The following TAOK2 variants were observed in gnomAD, a reference collection of about 807,000 sequenced individuals.
The protein encoded by TAOK2 is serine/threonine-protein kinase TAO2.
In TAOK2, 42 loss-of-function variants were observed where a neutral mutation model predicts 122.5. That is an observed-to-expected ratio of 0.34 (90% CI 0.27 to 0.44). TAOK2 has a LOEUF of 0.44. Among genes scored for constraint, TAOK2 ranks in the 20% least tolerant of loss-of-function variants. The pLI, the probability that TAOK2 is intolerant of heterozygous loss-of-function variation, is 1.00. For missense variants in TAOK2, 1,264 were observed against 1,644.9 expected, an observed-to-expected ratio of 0.77 and a Z score of 4.01; for synonymous variants, 704 against 677.6, an observed-to-expected ratio of 1.04 and a Z score of -0.61.
At position 29,988,223 on chromosome 16, in the gene TAOK2, C is replaced by G. The variant is rs1351493103; in HGVS notation, c.*243C>G. ...TATTGCTGTTCGCCCGCTGTGTGTG[C>G]TCATCCTCACCCTCATTGACTCAGG... On this transcript the variant is annotated 3_prime_UTR_variant, in exon 16 of 16. Coordinates refer to ENST00000308893, the MANE Select transcript of TAOK2 (RefSeq NM_016151.4). 1.4e-6 allele frequency: 2 copies of G among 1,437,566 alleles called. No homozygotes were observed. Among genetic ancestry groups the G allele is most frequent in the African/African-American group, 2.9e-5 (2 of 69,738 alleles). 89.1% of individuals were successfully genotyped at this position (1,437,566 alleles called of 1,614,324 possible). A position where few individuals can be genotyped will look rare whatever the true frequency, so the allele number is the denominator to read the frequency against.
chr16:29,981,264 C>T, intron 8 of TAOK2: 2 of 479,408 alleles, frequency 4.2e-6, no homozygotes, highest in Non-Finnish European at 7.3e-6. Flanking sequence ...TTTTTTCAGT[C>T]CTATTTAATC....
Position 29,985,525 on chromosome 16 carries a change from C to T in TAOK2, c.1735C>T (p.Leu579=), listed in dbSNP as rs141623258. 8.7e-6 allele frequency: 14 copies of T among 1,608,948 alleles called. No individual in the cohort carries two copies. In the African/African-American group the frequency reaches 1.3e-4, roughly 15 times the overall value. ...LGQQKKELAA[L]LEAQKRTYKL... ...GCAGCAGAAGAAGGAGCTGGCTGCC[C>T]TGCTGGAGGCACAGAAGCGGACCTA... The change falls in exon 14 of 16, where the codon CTG becomes TTG. Residue 579 remains leucine, a synonymous_variant. Coordinates refer to ENST00000308893, the MANE Select transcript of TAOK2 (RefSeq NM_016151.4). This position sits in a 1 kb window ranked among gnomAD's most constrained non-coding sequence, Gnocchi z 6.9.
rs767326939 is a variant in TAOK2 at position 29,987,813 on chromosome 16, G to A, written c.3541G>A (p.Ala1181Thr). 1.2e-6 allele frequency: 2 copies of A among 1,613,406 alleles called. No individual in the cohort carries two copies. Among genetic ancestry groups the A allele is most frequent in the South Asian group, 2.2e-5 (2 of 91,070 alleles). The change falls in exon 16 of 16, where the codon GCC becomes ACC. Residue 1181 changes from alanine to threonine, a missense_variant. Coordinates refer to ENST00000308893, the MANE Select transcript of TAOK2 (RefSeq NM_016151.4). ...GCCCCCGTGGGCCATCCACACACTG[G>A]CCAGCTGGGGCCTGCTTCGGGGTGA... ...HLPPWAIHTL[A>T]SWGLLRGERP...
chr16:29,979,576 C>T lies in TAOK2; in HGVS notation c.655+68C>T, dbSNP rs557981081. The stretch of plus-strand genomic sequence containing the variant: ...TTCCTGTTAGTTCCCAGACTCCGGA[C>T]TACCCCCTTCTCCTAGGGATGGGAT... On this transcript the variant is annotated intron_variant, in intron 8 of 15. Coordinates refer to ENST00000308893, the MANE Select transcript of TAOK2 (RefSeq NM_016151.4). This position sits in a 1 kb window ranked among gnomAD's most constrained non-coding sequence, Gnocchi z 4.1. The T allele has an allele frequency of 7.9e-7, 1 of 1,258,892 alleles. No homozygotes were observed. Among genetic ancestry groups the T allele is most frequent in the Non-Finnish European group, 1.1e-6 (1 of 929,702 alleles). The allele number at this position is 1,258,892 out of a possible 1,614,324, so 78.0% of individuals were successfully genotyped here. A position where few individuals can be genotyped will look rare whatever the true frequency, so the allele number is the denominator to read the frequency against.
rs754246307 is a variant in TAOK2 at position 29,985,280 on chromosome 16, G to A, written c.1490G>A (p.Arg497Gln). The A allele has an allele frequency of 1.9e-6, 3 of 1,593,424 alleles. No individual in the cohort carries two copies. The highest frequency in any genetic ancestry group is 1.7e-5 in the Admixed American group (1 of 57,816). ...CGGGAGCAGCTGAGCGGCTATAAGC[G>A]GATGCGACGACAGCACCAGAAGCAG... is the stretch of plus-strand genomic sequence containing the variant. ...ALREQLSGYK[R>Q]MRRQHQKQLL... is the part of the protein sequence containing the mutation. Residue 497 changes from arginine to glutamine, a missense_variant, in exon 14 of 16, where the codon CGG becomes CAG. Around this residue, in one of 4 missense-constraint regions of TAOK2, gnomAD observed 64 missense variants for 115.7 expected, o/e 0.55. Transcript: ENST00000308893. The surrounding 1 kb of genome is among the most constrained non-coding windows in gnomAD (Gnocchi z 6.9).
downstream of TAOK2, chr16:29,989,529 T>G (rs1047451305): frequency 1.9e-6 from 3 of 1,602,394 alleles, no homozygotes; most frequent in Middle Eastern, 1.7e-4. Flanking sequence ...CCTCTTCCTC[T>G]TCCTCCTCTT....
In TAOK2 at chr16:29,977,749, C is replaced by A. The variant is rs1164058625; in HGVS notation, c.-24C>A. The A allele has an allele frequency of 6.2e-7, 1 of 1,613,476 alleles. No individual in the cohort carries two copies. Among genetic ancestry groups the A allele is most frequent in the Non-Finnish European group, 8.5e-7 (1 of 1,179,760 alleles). ...TTTCCATTCCTCAGGCCAGGCCCCA[C>A]TCTCAGGGCCCCCAGGGGCCACCAT... is the stretch of plus-strand genomic sequence containing the variant. On this transcript the variant is annotated 5_prime_UTR_variant, in exon 2 of 16. Coordinates refer to ENST00000308893, the MANE Select transcript of TAOK2 (RefSeq NM_016151.4).
In TAOK2 at chr16:29,979,381, G is replaced by T. The variant is rs745635056; in HGVS notation, c.564-36G>T. 4.4e-6 allele frequency: 7 copies of T among 1,605,636 alleles called. No individual in the cohort carries two copies. Among genetic ancestry groups the T allele is most frequent in the Non-Finnish European group, 6.0e-6 (7 of 1,174,134 alleles). On this transcript the variant is annotated intron_variant, in intron 7 of 15. Coordinates refer to ENST00000308893, the MANE Select transcript of TAOK2 (RefSeq NM_016151.4). The surrounding 1 kb of genome is among the most constrained non-coding windows in gnomAD (Gnocchi z 4.1). Reference sequence around the variant, plus strand: ...GGAGTAGGAGTGACAGGGTCTCGGCGGGTGATTTGCCTCTCTCTCCTGACC... The same window carrying T: ...GGAGTAGGAGTGACAGGGTCTCGGCTGGTGATTTGCCTCTCTCTCCTGACC...
intron 1 of TAOK2, among the ~76,000 whole-genome samples, chr16:29,977,309 G>C (rs1214328657): frequency 6.6e-6 from 1 of 152,184 alleles, no homozygotes; most frequent in South Asian, 2.1e-4. Context: ...AGGGAGGAGG[G>C]GGCCTCAGCG....
intron 8 of TAOK2, among the ~76,000 whole-genome samples, chr16:29,980,060 G>GT (rs916709700): frequency 6.6e-6 from 1 of 152,200 alleles, no homozygotes; most frequent in African/African-American, 2.4e-5. Context: ...AGGCCTAGAG[G>GT]TAAGTGCAGG....
rs750905955 is a variant in TAOK2 at position 29,985,397 on chromosome 16, G to C, written c.1607G>C (p.Gly536Ala). ...CTTGAGGCGCAGCGGGCTGGCTTTGGGGCAGAGGCAGAAAAGCTGGCCCGG... is the reference window on the plus strand; with the variant it reads ...CTTGAGGCGCAGCGGGCTGGCTTTGCGGCAGAGGCAGAAAAGCTGGCCCGG... Reference protein sequence around the residue: ...RELEAQRAGFGAEAEKLARRH... With the variant: ...RELEAQRAGFAAEAEKLARRH... The change falls in exon 14 of 16, where the codon GGG becomes GCG. Residue 536 changes from glycine to alanine, a missense_variant. Gly to Ala is a moderately conservative substitution (Grantham distance 60). Around this residue, in one of 4 missense-constraint regions of TAOK2, gnomAD observed 64 missense variants for 115.7 expected, o/e 0.55. Transcript: ENST00000308893. The surrounding 1 kb of genome is among the most constrained non-coding windows in gnomAD (Gnocchi z 6.9). 6.2e-6 allele frequency: 10 copies of C among 1,609,356 alleles called. No homozygotes were observed. In the East Asian group the frequency reaches 2.2e-4, roughly 36 times the overall value.
In TAOK2 at chr16:29,979,604, C is replaced by A; in HGVS notation, c.655+96C>A. 1 of 1,034,504 alleles carries A rather than the reference C, an allele frequency of 9.7e-7. No individual in the cohort carries two copies. The allele number at this position is 1,034,504 out of a possible 1,614,324, so 64.1% of individuals were successfully genotyped here. ...CCCCCTTCTCCTAGGGATGGGATCC[C>A]AGGCCTCCAAGTTCCTGTCCGTTGT... On this transcript the variant is annotated intron_variant, in intron 8 of 15. Coordinates refer to ENST00000308893, the MANE Select transcript of TAOK2 (RefSeq NM_016151.4). This position sits in a 1 kb window ranked among gnomAD's most constrained non-coding sequence, Gnocchi z 4.1.
rs1390324284 is a variant in TAOK2, at chr16:29,978,988, C to T, written c.367C>T (p.Leu123Phe). Residue 123 changes from leucine (L) to phenylalanine (F), a missense_variant, in exon 6 of 16, where the codon CTT becomes TTT. By Grantham distance (22) the Leu-to-Phe change is conservative. This residue lies in a region of TAOK2 where 254 missense variants were observed against 503.8 expected (regional missense o/e 0.50). Transcript: ENST00000308893. ...TCACTCTCCAGTGCACAAGAAACCC[C>T]TTCAGGAGGTAGAGATCGCAGCTGT... is the stretch of plus-strand genomic sequence containing the variant. The part of the protein sequence containing the change: ...SDLLEVHKKP[L>F]QEVEIAAVTH... 1 of 1,614,146 alleles carries T rather than the reference C, an allele frequency of 6.2e-7. No individual in the cohort carries two copies.
intron 1 of TAOK2, among the ~76,000 whole-genome samples, chr16:29,975,639 C>T (rs1360768790): frequency 6.6e-6 from 1 of 152,208 alleles, no homozygotes; most frequent in African/African-American, 2.4e-5. Context: ...TTACCCCAAT[C>T]CCAGGGTTTG....
rs1233758059 is a variant in TAOK2, at chr16:29,979,993, A to G, written c.655+485A>G. Among the ~76,000 whole-genome samples, 2 of 152,204 alleles carry G rather than the reference A, an allele frequency of 1.3e-5. No individual in the cohort carries two copies. The highest frequency in any genetic ancestry group is 1.3e-4 in the Admixed American group (2 of 15,286). On this transcript the variant is annotated intron_variant, in intron 8 of 15. Transcript: ENST00000308893. The surrounding 1 kb of genome is among the most constrained non-coding windows in gnomAD (Gnocchi z 4.1). ...TTGAAGCCAACCTGCAAGATAAATA[A>G]TAGCTGTTTGCAGAATGTAGGGAAG...
Position 29,987,780 on chromosome 16 carries a change from TC to T in TAOK2, c.3511del (p.His1171ThrfsTer35). The T allele has an allele frequency of 6.2e-7, 1 of 1,613,936 alleles. No individual in the cohort carries two copies. The highest frequency in any genetic ancestry group is 8.5e-7 in the Non-Finnish European group (1 of 1,179,908). On this transcript the variant is annotated frameshift_variant, in exon 16 of 16. Coordinates refer to ENST00000308893, the MANE Select transcript of TAOK2 (RefSeq NM_016151.4). LOFTEE classifies it high-confidence loss of function. ...RLARASQGLA[S>X]HLPPWAIHTL... Reference sequence around the variant, plus strand: ...GGCACGGGCCAGCCAGGGTTTAGCATCCCACTTGCCCCCGTGGGCCATCCAC... The same window carrying T: ...GGCACGGGCCAGCCAGGGTTTAGCATCCACTTGCCCCCGTGGGCCATCCAC...
At position 29,974,312 on chromosome 16, in the gene TAOK2, G is replaced by A. The variant is rs2069387530; in HGVS notation, c.-372G>A. Reference sequence around the variant, plus strand: ...TCAAATATCAGGTTCAGGCCCCTGCGTGCACCAGTATCCGGGGTTCATTCC... The same window carrying A: ...TCAAATATCAGGTTCAGGCCCCTGCATGCACCAGTATCCGGGGTTCATTCC... On this transcript the variant is annotated 5_prime_UTR_variant, in exon 1 of 16. In the 5' UTR this introduces an upstream ATG that the reference lacks. Coordinates refer to ENST00000308893, the MANE Select transcript of TAOK2 (RefSeq NM_016151.4). The A allele has an allele frequency of 6.5e-6, 1 of 152,672 alleles. No homozygotes were observed. Among genetic ancestry groups the A allele is most frequent in the Non-Finnish European group, 1.5e-5 (1 of 68,062 alleles). 9.5% of individuals were successfully genotyped at this position (152,672 alleles called of 1,614,324 possible). A position where few individuals can be genotyped will look rare whatever the true frequency, so the allele number is the denominator to read the frequency against.
Position 29,986,545 on chromosome 16 carries a change from T to C in TAOK2, c.2273T>C (p.Ile758Thr). 1 of 1,613,716 alleles carries C rather than the reference T, an allele frequency of 6.2e-7. No individual in the cohort carries two copies. Among genetic ancestry groups the C allele is most frequent in the Non-Finnish European group, 8.5e-7 (1 of 1,179,852 alleles). ...CGCCCCCCGGGCCTTCCACTCCCCA[T>C]TCCTGGGGCTCTGGGCCCACCCAAC... ...GQRPPGLPLP[I>T]PGALGPPNTG... Residue 758 changes from isoleucine (I) to threonine (T), a missense_variant, in exon 16 of 16, where the codon ATT (isoleucine) becomes ACT (threonine). Ile to Thr is a moderately conservative substitution (Grantham distance 89). Coordinates refer to ENST00000308893, the MANE Select transcript of TAOK2 (RefSeq NM_016151.4). The surrounding 1 kb of genome is among the most constrained non-coding windows in gnomAD (Gnocchi z 4.2).
intron 4 of TAOK2, 64 bp downstream of exon 4, chr16:29,978,417 C>G: frequency 6.5e-7 from 1 of 1,541,088 alleles, no homozygotes; most frequent in Non-Finnish European, 9.0e-7. Context: ...TATCGTAGTC[C>G]AGTCTCTTAG....
Sources: gnomAD v4.1 joint callset for allele counts (sites outside exome capture counted in the v4.1 genomes callset) on GRCh38, gnomAD v4.1.1 for gene constraint, gnomAD v4.1.1 regional missense constraint, Gnocchi (gnomAD v3.1) non-coding constraint, MANE v1.5 for transcripts, NCBI Gene and HGNC (gene_info 2026-07-23, HGNC 2026-07-21) for gene names.